SRGAP3: variants seen among roughly 807,000 people sequenced by gnomAD.
SRGAP3 encodes the protein SLIT-ROBO Rho GTPase activating protein 3.
In SRGAP3, 39 loss-of-function variants were observed where a neutral mutation model predicts 121.1. The observed-to-expected ratio is 0.32, with a 90% CI of 0.25 to 0.42. The LOEUF (loss-of-function observed/expected upper bound fraction) is 0.42. SRGAP3 is among the 10% of genes least tolerant of loss of function. SRGAP3 has a pLI of 1.00. For missense variants in SRGAP3, 1,213 were observed against 1,470.6 expected, an observed-to-expected ratio of 0.82 and a Z score of 2.86; for synonymous variants, 601 against 570.0, an observed-to-expected ratio of 1.05 and a Z score of -0.77.
chr3:9,321,665 T>G (rs1955440354), intron 3 of SRGAP3, among the ~76,000 whole-genome samples: 1 of 151,864 alleles, frequency 6.6e-6, no homozygotes, highest in Non-Finnish European at 1.5e-5. Context: ...AATCAGATCA[T>G]GTCTTTTACG....
intron 3 of SRGAP3, among the ~76,000 whole-genome samples, chr3:9,301,733 G>A (rs189175957): frequency 3.5e-4 from 53 of 152,256 alleles, no homozygotes; most frequent in Admixed American, 3.3e-3. Flanking sequence ...AGGAATGAGC[G>A]TGGGACGCAC....
intron 1 of SRGAP3, among the ~76,000 whole-genome samples, chr3:9,168,773 T>C (rs1282593627): frequency 6.6e-6 from 1 of 152,262 alleles, no homozygotes; most frequent in African/African-American, 2.4e-5. Context: ...GAAAAACCTA[T>C]TGATTCATAA....
At chr3:9,247,794 A>G (rs1017871989) in intron 1 of SRGAP3, among the ~76,000 whole-genome samples, 4 of 152,246 alleles carry the variant, frequency 2.6e-5, no homozygotes, top group Non-Finnish European at 5.9e-5. Context: ...AGCAAGGAGA[A>G]CCATGACCAG....
rs774141927 is a variant in SRGAP3 at position 9,077,880 on chromosome 3, A to T, written c.486+2145T>A. Reference sequence around the variant, plus strand: ...CCTGTTTGTCACAGGTGAAACTGACAAGTGAAGGGACTTGCCCAAGGCCAC... The same window carrying T: ...CCTGTTTGTCACAGGTGAAACTGACTAGTGAAGGGACTTGCCCAAGGCCAC... On this transcript the variant is annotated intron_variant, in intron 4 of 21. Transcript: ENST00000383836. Among the ~76,000 whole-genome samples the T allele has an allele frequency of 6.9e-4, 105 of 152,198 alleles. 1 individual carries two copies. Among genetic ancestry groups the T allele is most frequent in the Non-Finnish European group, 8.2e-4 (56 of 68,034 alleles).
intron 3 of SRGAP3, among the ~76,000 whole-genome samples, chr3:9,322,187 A>G (rs1289069859): frequency 1.3e-5 from 2 of 151,638 alleles, no homozygotes; most frequent in Admixed American, 6.5e-5. Flanking sequence ...TGTGAGTTCA[A>G]TTAAATGAGA....
chr3:9,009,458 A>C (rs951241405), intron 18 of SRGAP3, among the ~76,000 whole-genome samples: 2 of 152,350 alleles, frequency 1.3e-5, no homozygotes, highest in East Asian at 3.9e-4. Flanking sequence ...GTTAAAAATT[A>C]TATTTTACAA....
chr3:9,071,181 C>A (rs1401452548), intron 4 of SRGAP3, among the ~76,000 whole-genome samples: 1 of 152,148 alleles, frequency 6.6e-6, no homozygotes, highest in African/African-American at 2.4e-5. Context: ...GGAACCACTT[C>A]CTCATTCTCC....
At chr3:9,241,461 A>G (rs1341123878) in intron 1 of SRGAP3, among the ~76,000 whole-genome samples, 2 of 152,176 alleles carry the variant, frequency 1.3e-5, no homozygotes, top group African/African-American at 4.8e-5. Flanking sequence ...TGCTCCCTAG[A>G]CCACACCCCA....
intron 3 of SRGAP3, among the ~76,000 whole-genome samples, chr3:9,293,923 G>C (rs1296321227): frequency 6.6e-6 from 1 of 152,142 alleles, no homozygotes; most frequent in African/African-American, 2.4e-5. Flanking sequence ...AGACAGTGTA[G>C]CAATTCCTCA....
intron 2 of SRGAP3, among the ~76,000 whole-genome samples, chr3:9,116,940 C>T (rs774961330): frequency 2.6e-5 from 4 of 152,228 alleles, no homozygotes; most frequent in Admixed American, 6.5e-5. Context: ...GCCTATCAGA[C>T]ATCCAGTACA....
In SRGAP3 at chr3:8,994,279, G is replaced by A; in HGVS notation, c.2408+64C>T. On this transcript the variant is annotated intron_variant, in intron 19 of 21. Coordinates refer to ENST00000383836, the MANE Select transcript of SRGAP3 (RefSeq NM_014850.4). ...GCATACAAGCTAGCACTCCCCTACG[G>A]TGCCCATCCCAGACATCACTAATCT... 4.4e-6 allele frequency: 7 copies of A among 1,602,966 alleles called. No homozygotes were observed. In the South Asian group the frequency reaches 5.5e-5, roughly 13 times the overall value.
chr3:9,362,195 G>T (rs1244878692), intron 1 of SRGAP3, among the ~76,000 whole-genome samples: 16 of 90,302 alleles, frequency 1.8e-4, no homozygotes, highest in African/African-American at 6.0e-4. Flanking sequence ...TTTTTGAGAT[G>T]ATGTCTTGCT....
At chr3:9,248,768 G>T in intron 1 of SRGAP3, 117 bp downstream of exon 1, 1 of 1,049,934 alleles carries the variant, frequency 9.5e-7, no homozygotes, top group Non-Finnish European at 1.5e-6. Flanking sequence ...AAAGATTATT[G>T]ATGCATAACA....
Position 9,013,381 on chromosome 3 carries a change from C to T in SRGAP3, c.2074G>A (p.Ala692Thr), listed in dbSNP as rs749306732. 46 of 1,614,008 alleles carry T rather than the reference C, an allele frequency of 2.9e-5. No homozygotes were observed. In the East Asian group the frequency reaches 1.0e-3, roughly 36 times the overall value. ...AGCTCCCGGGGGCTGGGGAAGATGG[C>T]TTCATGATGGATGATGATGGTTTTG... ...VIKTIIIHHE[A>T]IFPSPRELEG... Residue 692 changes from alanine (A) to threonine (T), a missense_variant, in exon 17 of 22, where the codon GCC becomes ACC. Physicochemically the swap from Ala to Thr is moderately conservative, Grantham distance 58 (BLOSUM62 0). Coordinates refer to ENST00000383836, the MANE Select transcript of SRGAP3 (RefSeq NM_014850.4).
At chr3:9,098,127 C>A (rs1283408908) in intron 3 of SRGAP3, among the ~76,000 whole-genome samples, 4 of 152,138 alleles carry the variant, frequency 2.6e-5, no homozygotes, top group African/African-American at 4.8e-5. Context: ...AGTTCTCCCT[C>A]TGAACAAACT....
At chr3:9,339,550 G>A (rs1226488175) in intron 1 of SRGAP3, among the ~76,000 whole-genome samples, 1 of 152,222 alleles carries the variant, frequency 6.6e-6, no homozygotes, top group African/African-American at 2.4e-5. Flanking sequence ...GTGGCAATGT[G>A]ATATGGAGAG....
chr3:9,058,093 A>G (rs781569347), intron 7 of SRGAP3, among the ~76,000 whole-genome samples, 158 bp downstream of exon 7: 5 of 152,222 alleles, frequency 3.3e-5, no homozygotes, highest in Non-Finnish European at 5.9e-5. Context: ...TGAGGGTATT[A>G]GTGGTAAACT....
chr3:9,320,139 G>C (rs548987219), intron 3 of SRGAP3, among the ~76,000 whole-genome samples: 59 of 152,046 alleles, frequency 3.9e-4, no homozygotes, highest in African/African-American at 1.2e-3. Context: ...GGAAAAAGAG[G>C]AGACATGGCC....
At chr3:9,020,993 G>C (rs983419402) in intron 14 of SRGAP3, among the ~76,000 whole-genome samples, 1 of 152,262 alleles carries the variant, frequency 6.6e-6, no homozygotes, top group Non-Finnish European at 1.5e-5. Context: ...TGAGCACACA[G>C]TGTGTGCTTA....
Sources: gnomAD v4.1 joint callset for allele counts (sites outside exome capture counted in the v4.1 genomes callset) on GRCh38, gnomAD v4.1.1 for gene constraint, MANE v1.5 for transcripts, NCBI Gene and HGNC (gene_info 2026-07-23, HGNC 2026-07-21) for gene names.